The following OS9 variants were observed in gnomAD, a reference collection of about 807,000 sequenced individuals.
OS9 encodes the protein OS9 endoplasmic reticulum lectin.
OS9 carries 58 observed loss-of-function variants against 84.7 expected under a neutral mutation model. That is an observed-to-expected ratio of 0.68 (90% CI 0.55 to 0.85). The LOEUF (loss-of-function observed/expected upper bound fraction) is 0.85, where lower values mean the gene tolerates loss of function less well. OS9 is among the 40% of genes least tolerant of loss of function. The pLI is 0.00. For missense variants in OS9, 760 were observed against 850.9 expected (o/e 0.89, Z 1.33); for synonymous variants, 278 against 320.8 (o/e 0.87, Z 1.43).
chr12:57,707,150 C>G (rs927232275), intron 5 of OS9, among the ~76,000 whole-genome samples: 1 of 151,950 alleles, frequency 6.6e-6, no homozygotes, highest in African/African-American at 2.4e-5. Context: ...TGCCTTTTCT[C>G]TTTTTTCTTG....
chr12:57,715,365 A>T (rs917577942), intron 5 of OS9, among the ~76,000 whole-genome samples: 7 of 151,670 alleles, frequency 4.6e-5, no homozygotes, highest in East Asian at 3.9e-4. Context: ...TCCATCTCAA[A>T]AATAATAATA....
chr12:57,719,277 G>A, intron 12 of OS9, 95 bp downstream of exon 12: 1 of 1,051,482 alleles, frequency 9.5e-7, no homozygotes, highest in African/African-American at 1.6e-5. Flanking sequence ...CTTCCCTTCT[G>A]AGGGTGCTCA....
At chr12:57,715,649 G>A in intron 5 of OS9, 111 bp from the exon 6 acceptor site, 1 of 737,394 alleles carries the variant, frequency 1.4e-6, no homozygotes, top group Non-Finnish European at 2.3e-6. Context: ...TATGCACAGT[G>A]TATGCACAAT....
In OS9 at chr12:57,715,910, A is replaced by G; in HGVS notation, c.730A>G (p.Ile244Val). 1 of 1,613,264 alleles carries G rather than the reference A, an allele frequency of 6.2e-7. No individual in the cohort carries two copies. The highest frequency in any genetic ancestry group is 8.5e-7 in the Non-Finnish European group (1 of 1,179,694). The change falls in exon 6 of 15, where the codon ATC (isoleucine) becomes GTC (valine). Residue 244 changes from isoleucine to valine, a missense_variant. Ile to Val is a conservative substitution (Grantham distance 29). Coordinates refer to ENST00000315970, the MANE Select transcript of OS9 (RefSeq NM_006812.4). ...CCCACCCAGTGCTGCACCGCAGGCCATCCTCTGTCACCCTTCCCTACAGCC... is the reference window on the plus strand; with the variant it reads ...CCCACCCAGTGCTGCACCGCAGGCCGTCCTCTGTCACCCTTCCCTACAGCC... ...RPPPSAAPQA[I>V]LCHPSLQPEE...
intron 9 of OS9, among the ~76,000 whole-genome samples, chr12:57,716,999 C>T (rs1954520185): frequency 6.6e-6 from 1 of 152,122 alleles, no homozygotes; most frequent in African/African-American, 2.4e-5. Flanking sequence ...GGGTAATAAC[C>T]CCTACCTTAG....
chr12:57,718,501 C>CA, intron 11 of OS9, 80 bp downstream of exon 11: 3 of 1,466,378 alleles, frequency 2.0e-6, no homozygotes, highest in Non-Finnish European at 2.8e-6. Context: ...CTAAAAGAAA[C>CA]AGAGGGCACA....
chr12:57,696,088 G>A, intron 4 of OS9, 50 bp downstream of exon 4: 1 of 1,429,644 alleles, frequency 7.0e-7, no homozygotes, highest in Non-Finnish European at 9.9e-7. Flanking sequence ...CACCGGCTGA[G>A]AGCCCTGACA....
At chr12:57,711,919 C>T (rs867375070) in intron 5 of OS9, among the ~76,000 whole-genome samples, 2 of 152,036 alleles carry the variant, frequency 1.3e-5, no homozygotes, top group Admixed American at 6.6e-5. Context: ...CAAGACCCTG[C>T]ATCTATTAAA....
rs1447429487 is a variant in OS9 at position 57,695,955 on chromosome 12, C to T, written c.404-7C>T. ...GTAACAGTGCTTCACTGTGGCTTCC[C>T]TTGCAGATTCAGAGATCAAAGGTGA... On this transcript the variant is annotated splice_polypyrimidine_tract_variant and splice_region_variant and intron_variant, in intron 3 of 14. Transcript: ENST00000315970. 1 of 1,610,892 alleles carries T rather than the reference C, an allele frequency of 6.2e-7. No individual in the cohort carries two copies. Among genetic ancestry groups the T allele is most frequent in the South Asian group, 1.1e-5 (1 of 91,022 alleles).
intron 5 of OS9, among the ~76,000 whole-genome samples, chr12:57,701,304 C>T (rs1194535163): frequency 1.7e-5 from 2 of 115,996 alleles, no homozygotes; most frequent in Non-Finnish European, 3.3e-5. Context: ...GAGACAGAGT[C>T]TCGCTCTGTC....
chr12:57,696,356 C>CG lies in OS9; in HGVS notation c.565dup (p.Glu189GlyfsTer9). 6.3e-7 allele frequency: 1 copy of CG among 1,589,132 alleles called. No individual in the cohort carries two copies. Among genetic ancestry groups the CG allele is most frequent in the Non-Finnish European group, 8.6e-7 (1 of 1,167,192 alleles). On this transcript the variant is annotated frameshift_variant, in exon 5 of 15. Transcript: ENST00000315970. LOFTEE classifies it high-confidence loss of function. ...CAAGTGCGACCTTAATGGGAGGCCCCGGGAGGCCGAGGTTCGGGTGAGTCT... is the reference window on the plus strand; with the variant it reads ...CAAGTGCGACCTTAATGGGAGGCCCCGGGGAGGCCGAGGTTCGGGTGAGTCT...
intron 5 of OS9, among the ~76,000 whole-genome samples, chr12:57,714,311 A>G (rs144493563): frequency 0.021 from 3,151 of 152,226 alleles, 103 homozygotes; most frequent in African/African-American, 0.07. Context: ...GGTTCAAGCA[A>G]TTCTCCTGCC....
chr12:57,712,607 TATGTTTCATACTTTACTGTTTCTGC>T (rs1254228367), intron 5 of OS9, among the ~76,000 whole-genome samples: 33 of 152,314 alleles, frequency 2.2e-4, no homozygotes, highest in African/African-American at 7.7e-4. Context: ...TTTTCCTATA[TATGTTTCATACTTTACTGTTTCTGC>T]ATGTTTCATA....
At chr12:57,705,581 C>G (rs28649467) in intron 5 of OS9, among the ~76,000 whole-genome samples, 1,635 of 152,158 alleles carry the variant, frequency 0.011, 30 homozygotes, top group African/African-American at 0.037. Context: ...GTCATCAAGG[C>G]TGGGGTGCGA....
At chr12:57,718,005 G>A (rs376109401) in intron 10 of OS9, 47 bp downstream of exon 10, 83 of 1,557,264 alleles carry the variant, frequency 5.3e-5, no homozygotes, top group Middle Eastern at 1.7e-4. Flanking sequence ...TCCCAACTGC[G>A]AGCATTTGAA....
intron 5 of OS9, among the ~76,000 whole-genome samples, chr12:57,714,201 ATGTTTGTT>A (rs1330337761): frequency 1.3e-5 from 2 of 151,752 alleles, no homozygotes; most frequent in Admixed American, 6.6e-5. Context: ...TAAATGCTTT[ATGTTTGTT>A]TGTTTGTTTG....
In OS9 at chr12:57,716,200, C is replaced by G; in HGVS notation, c.892+7C>G. 1.3e-5 allele frequency: 20 copies of G among 1,567,900 alleles called. No homozygotes were observed. Among genetic ancestry groups the G allele is most frequent in the Non-Finnish European group, 1.8e-5 (20 of 1,141,614 alleles). ...GCACCCCAAAAGATGGCAGGTAGGACCTTGTTTCACCTGTTCCGTGAAACT... is the reference window on the plus strand; with the variant it reads ...GCACCCCAAAAGATGGCAGGTAGGAGCTTGTTTCACCTGTTCCGTGAAACT... On this transcript the variant is annotated splice_region_variant and intron_variant, in intron 7 of 14. Coordinates refer to ENST00000315970, the MANE Select transcript of OS9 (RefSeq NM_006812.4).
At chr12:57,707,470 G>C (rs940321336) in intron 5 of OS9, among the ~76,000 whole-genome samples, 5 of 152,164 alleles carry the variant, frequency 3.3e-5, no homozygotes, top group African/African-American at 1.2e-4. Flanking sequence ...AAAGAGAGAG[G>C]GGGGACATGC....
At chr12:57,695,430 A>G (rs1056455060) in intron 2 of OS9, 1 of 476,624 alleles carries the variant, frequency 2.1e-6, no homozygotes, top group Non-Finnish European at 3.9e-6. Flanking sequence ...AAGAAGTTCA[A>G]TTAATATTTA....
Sources: allele counts gnomAD v4.1 joint callset (sites outside exome capture counted in the v4.1 genomes callset), GRCh38; gene constraint gnomAD v4.1.1; transcripts MANE v1.5; gene names NCBI Gene and HGNC (gene_info 2026-07-23, HGNC 2026-07-21).